The following SHB variants were observed in gnomAD, a reference collection of about 807,000 sequenced individuals.
SHB encodes the protein SH2 domain-containing adapter protein B.
In SHB, 20 loss-of-function variants were observed where a neutral mutation model predicts 52.3. The observed-to-expected ratio is 0.38, with a 90% CI of 0.27 to 0.56. The LOEUF (loss-of-function observed/expected upper bound fraction) is 0.56. Among genes scored for constraint, SHB ranks in the 20% least tolerant of loss-of-function variants. SHB has a pLI of 0.71. For synonymous variants in SHB, 397 were observed against 316.5 expected, an observed-to-expected ratio of 1.25 and a Z score of -2.70; for missense variants, 825 against 723.3, an observed-to-expected ratio of 1.14 and a Z score of -1.61.
chr9:37,952,658 G>A (rs1192825974), intron 4 of SHB, among the ~76,000 whole-genome samples: 2 of 152,174 alleles, frequency 1.3e-5, no homozygotes, highest in African/African-American at 4.8e-5. Context: ...AATGGATTCT[G>A]GTGGTACTTA....
chr9:38,045,772 G>A lies in SHB; in HGVS notation c.717+22157C>T, dbSNP rs115886284. Among the ~76,000 whole-genome samples the A allele has an allele frequency of 3.9e-3, 596 of 152,270 alleles. 4 individuals carry two copies. Among genetic ancestry groups the A allele is most frequent in the African/African-American group, 0.013 (553 of 41,544 alleles). ...GACGTATGTTTTTTGACATGAGAAC[G>A]TGGGCAACTTCTGTGCAATGTAAAG... On this transcript the variant is annotated intron_variant, in intron 1 of 5. Transcript: ENST00000377707.
chr9:37,991,268 G>C (rs1346390042), intron 2 of SHB, among the ~76,000 whole-genome samples: 1 of 152,160 alleles, frequency 6.6e-6, no homozygotes, highest in Non-Finnish European at 1.5e-5. Flanking sequence ...TGGTATGGCA[G>C]GGCTAGAATT....
intron 1 of SHB, among the ~76,000 whole-genome samples, chr9:38,035,134 C>T (rs2118124103): frequency 6.6e-6 from 1 of 152,164 alleles, no homozygotes; most frequent in African/African-American, 2.4e-5. Flanking sequence ...TGGGGGCATG[C>T]AAGACAGTGG....
intron 2 of SHB, among the ~76,000 whole-genome samples, chr9:37,982,976 C>CCCG (rs1554702675): frequency 3.3e-5 from 5 of 150,750 alleles, no homozygotes; most frequent in South Asian, 2.1e-4. Flanking sequence ...CTCTGGTGCC[C>CCCG]CCCCCTCCAT....
At chr9:38,023,558 G>A (rs1300273476) in intron 1 of SHB, among the ~76,000 whole-genome samples, 1 of 152,170 alleles carries the variant, frequency 6.6e-6, no homozygotes, top group Non-Finnish European at 1.5e-5. Flanking sequence ...AGAAACCCCC[G>A]CCAAGGCCCC....
intron 5 of SHB, among the ~76,000 whole-genome samples, chr9:37,932,562 C>CAA (rs74171537): frequency 0.21 from 18,123 of 86,424 alleles, 1,477 homozygotes; most frequent in East Asian, 0.36. Context: ...GCTCTAGCCA[C>CAA]AAAAAAAAAA....
At chr9:37,973,185 T>G (rs1820611327) in intron 3 of SHB, among the ~76,000 whole-genome samples, 1 of 152,246 alleles carries the variant, frequency 6.6e-6, no homozygotes, top group Non-Finnish European at 1.5e-5. Flanking sequence ...ACATTCGGGT[T>G]GCTCTCCATT....
chr9:38,025,927 C>A (rs927072771), intron 1 of SHB, among the ~76,000 whole-genome samples: 1 of 152,226 alleles, frequency 6.6e-6, no homozygotes. Flanking sequence ...AAATCCCAAC[C>A]AGGAGAGGAC....
In SHB at chr9:38,067,988, G is replaced by A. The variant is rs1444157150; in HGVS notation, c.658C>T (p.Leu220=). 6 of 1,546,518 alleles carry A rather than the reference G, an allele frequency of 3.9e-6. No homozygotes were observed. The highest frequency in any genetic ancestry group is 2.8e-5 in the African/African-American group (2 of 71,268). ...GCTGAGGCGGCGCACTTGTTGAGCA[G>A]TTTCTTGCCTCCGCAGGCCGTCGGG... ...WSPTACGGKK[L]LNKCAASAAE... is the part of the protein sequence containing the mutation. The change falls in exon 1 of 6, where the codon CTG becomes TTG. Residue 220 remains leucine, a synonymous_variant. Coordinates refer to ENST00000377707, the MANE Select transcript of SHB (RefSeq NM_003028.3).
chr9:38,067,953 C>A lies in SHB; in HGVS notation c.693G>T (p.Glu231Asp). 1 of 1,547,008 alleles carries A rather than the reference C, an allele frequency of 6.5e-7. No individual in the cohort carries two copies. The highest frequency in any genetic ancestry group is 1.9e-5 in the Admixed American group (1 of 53,584). Residue 231 changes from glutamate (E) to aspartate (D), a missense_variant, in exon 1 of 6, where the codon GAG (glutamate) becomes GAT (aspartate). Transcript: ENST00000377707. ...CCTTGTCCTTCTTGCCGGCCCCGCT[C>A]TCCTCCGCGGCTGAGGCGGCGCACT... Reference protein sequence around the residue: ...LNKCAASAAEESGAGKKDKVT... With the variant: ...LNKCAASAAEDSGAGKKDKVT...
intron 3 of SHB, among the ~76,000 whole-genome samples, chr9:37,968,909 T>C (rs1820562119): frequency 6.6e-6 from 1 of 152,158 alleles, no homozygotes; most frequent in Admixed American, 6.5e-5. Flanking sequence ...TGTGGGACTC[T>C]ATGGTATACG....
intron 2 of SHB, among the ~76,000 whole-genome samples, chr9:38,015,026 C>G (rs1821193163): frequency 6.6e-6 from 1 of 152,224 alleles, no homozygotes. Context: ...GTATCTGTAT[C>G]CCAAGTGTCC....
Position 38,068,345 on chromosome 9 carries a change from A to T in SHB, c.301T>A (p.Ser101Thr), listed in dbSNP as rs1822003773. The T allele has an allele frequency of 6.4e-7, 1 of 1,559,614 alleles. No homozygotes were observed. Among genetic ancestry groups the T allele is most frequent in the East Asian group, 2.6e-5 (1 of 38,794 alleles). Residue 101 changes from serine (S) to threonine (T), a missense_variant, in exon 1 of 6, where the codon TCG becomes ACG. Transcript: ENST00000377707. ...ATGGCGCGCAGTTTGCGCAGCGACG[A>T]GCCAGGCCCGTTGTAGGGGTCCTCG... is the stretch of plus-strand genomic sequence containing the variant. ...DFEDPYNGPG[S>T]SLRKLRAMCR...
Position 38,067,966 on chromosome 9 carries a change from G to A in SHB, c.680C>T (p.Ser227Leu), listed in dbSNP as rs780605847. The A allele has an allele frequency of 1.2e-5, 18 of 1,552,374 alleles. No individual in the cohort carries two copies. The South Asian group carries it at 1.9e-4, about 16-fold the overall frequency. ...GCCGGCCCCGCTCTCCTCCGCGGCTGAGGCGGCGCACTTGTTGAGCAGTTT... is the reference window on the plus strand; with the variant it reads ...GCCGGCCCCGCTCTCCTCCGCGGCTAAGGCGGCGCACTTGTTGAGCAGTTT... ...GKKLLNKCAASAAEESGAGKK... is the reference protein window; with the variant it reads ...GKKLLNKCAALAAEESGAGKK... The change falls in exon 1 of 6, where the codon TCA (serine) becomes TTA (leucine). Residue 227 changes from serine to leucine, a missense_variant. Transcript: ENST00000377707.
intron 2 of SHB, among the ~76,000 whole-genome samples, chr9:37,977,669 T>C (rs887845757): frequency 1.3e-5 from 2 of 152,258 alleles, no homozygotes; most frequent in Admixed American, 6.5e-5. Context: ...TCACTAAATC[T>C]ACCAAACTAA....
chr9:37,974,600 G>A (rs977842416), intron 3 of SHB, 22 bp downstream of exon 3: 2 of 1,603,282 alleles, frequency 1.2e-6, no homozygotes, highest in East Asian at 2.2e-5. Context: ...GCTGCCTCCT[G>A]AGCAGGGTCA....
intron 5 of SHB, among the ~76,000 whole-genome samples, chr9:37,933,713 C>T (rs1832338398): frequency 6.6e-6 from 1 of 152,130 alleles, no homozygotes; most frequent in Non-Finnish European, 1.5e-5. Context: ...ATTTACTGTC[C>T]AGCTTTGCTA....
In SHB at chr9:38,067,952, T is replaced by C. The variant is rs972483735; in HGVS notation, c.694A>G (p.Ser232Gly). The C allele has an allele frequency of 1.6e-5, 24 of 1,546,150 alleles. No individual in the cohort carries two copies. In the Admixed American group the frequency reaches 3.9e-4, roughly 25 times the overall value. The stretch of plus-strand genomic sequence containing the variant: ...ACCTTGTCCTTCTTGCCGGCCCCGC[T>C]CTCCTCCGCGGCTGAGGCGGCGCAC... ...NKCAASAAEE[S>G]GAGKKDKVTI... Residue 232 changes from serine to glycine, a missense_variant, in exon 1 of 6, where the codon AGC (serine) becomes GGC (glycine). Transcript: ENST00000377707.
chr9:37,982,973 G>GGCCC (rs1554702663), intron 2 of SHB, among the ~76,000 whole-genome samples: 40 of 145,312 alleles, frequency 2.8e-4, no homozygotes, highest in Admixed American at 4.8e-4. Context: ...CCTCTCTGGT[G>GGCCC]CCCCCCCCTC....
Sources: gnomAD v4.1 joint callset for allele counts (sites outside exome capture counted in the v4.1 genomes callset) on GRCh38, gnomAD v4.1.1 for gene constraint, MANE v1.5 for transcripts, NCBI Gene and HGNC (gene_info 2026-07-23, HGNC 2026-07-21) for gene names.